TTC28: variants seen among roughly 807,000 people sequenced by gnomAD.
TTC28 encodes the protein tetratricopeptide repeat domain 28, also known as tetratricopeptide repeat protein 28.
A neutral mutation model predicts 198.0 loss-of-function variants in TTC28; 61 were observed. That is an observed-to-expected ratio of 0.31 (90% CI 0.25 to 0.38). The LOEUF (loss-of-function observed/expected upper bound fraction) is 0.38. Ranked by LOEUF, TTC28 falls within the 10% of genes least tolerant of loss-of-function variation. The pLI, the probability that TTC28 is intolerant of heterozygous loss-of-function variation, is 1.00. For synonymous variants in TTC28, 1,171 were observed against 1,297.8 expected, an observed-to-expected ratio of 0.90 and a Z score of 2.10; for missense variants, 2,678 against 3,164.0, an observed-to-expected ratio of 0.85 and a Z score of 3.69.
chr22:28,389,594 T>C (rs1006393915), intron 2 of TTC28, among the ~76,000 whole-genome samples: 3 of 150,672 alleles, frequency 2.0e-5, no homozygotes, highest in African/African-American at 7.3e-5. Context: ...TCGAGGAATT[T>C]ATCCATTTCT....
intron 5 of TTC28, among the ~76,000 whole-genome samples, chr22:28,257,208 C>A (rs1930988335): frequency 6.6e-6 from 1 of 151,870 alleles, no homozygotes; most frequent in African/African-American, 2.4e-5. Context: ...CTCAAAAAAC[C>A]AAAAATAGAA....
intron 2 of TTC28, among the ~76,000 whole-genome samples, chr22:28,450,413 G>T (rs1358897063): frequency 6.6e-6 from 1 of 152,142 alleles, no homozygotes; most frequent in East Asian, 1.9e-4. Context: ...CTTACTAGCT[G>T]TGTGCTCTTT....
At chr22:28,137,730 A>G (rs1320103751) in intron 6 of TTC28, among the ~76,000 whole-genome samples, 1 of 152,002 alleles carries the variant, frequency 6.6e-6, no homozygotes, top group Non-Finnish European at 1.5e-5. Context: ...AATAGTCACT[A>G]TGGGCCAGGC....
intron 6 of TTC28, among the ~76,000 whole-genome samples, chr22:28,119,233 A>G (rs901312579): frequency 3.9e-5 from 6 of 152,210 alleles, no homozygotes; most frequent in Non-Finnish European, 7.3e-5. Context: ...GTTTTCATCT[A>G]TCTCAGAAGG....
At chr22:28,010,378 C>T (rs1025069173) in intron 14 of TTC28, among the ~76,000 whole-genome samples, 6 of 152,160 alleles carry the variant, frequency 3.9e-5, no homozygotes, top group African/African-American at 1.4e-4. Flanking sequence ...CTTTAAGTCA[C>T]GGGAAAGTCT....
intron 2 of TTC28, among the ~76,000 whole-genome samples, chr22:28,614,443 A>G (rs868075327): frequency 2.5e-4 from 38 of 152,334 alleles, no homozygotes; most frequent in African/African-American, 8.9e-4. Context: ...AGAAAAAACT[A>G]CTTTAAATTT....
chr22:28,333,359 T>C (rs2045647140), intron 2 of TTC28, among the ~76,000 whole-genome samples: 1 of 152,080 alleles, frequency 6.6e-6, no homozygotes, highest in African/African-American at 2.4e-5. Context: ...TAAATAGATA[T>C]AAATAACTTA....
intron 2 of TTC28, among the ~76,000 whole-genome samples, chr22:28,602,620 G>C (rs1299521942): frequency 6.6e-6 from 1 of 152,028 alleles, no homozygotes; most frequent in Non-Finnish European, 1.5e-5. Context: ...CTAGATAAAA[G>C]ATACACAAAA....
intron 5 of TTC28, among the ~76,000 whole-genome samples, chr22:28,182,240 A>G (rs1923768498): frequency 6.6e-6 from 1 of 152,186 alleles, no homozygotes; most frequent in African/African-American, 2.4e-5. Flanking sequence ...TTTGACCTGG[A>G]TTAGGAAACA....
rs533111342 is a variant in TTC28 at position 28,307,975 on chromosome 22, T to C, written c.382-1332A>G. ...TTCGTGTTTACAAGATATATTTACT[T>C]ATCTTACTTTTATAATGACTATTTG... On this transcript the variant is annotated intron_variant, in intron 2 of 22. Coordinates refer to ENST00000397906, the MANE Select transcript of TTC28 (RefSeq NM_001145418.2). Among the ~76,000 whole-genome samples the C allele has an allele frequency of 3.4e-4, 52 of 152,298 alleles. No homozygotes were observed. The South Asian group carries it at 9.9e-3, about 29-fold the overall frequency.
In TTC28 at chr22:28,490,522, C is replaced by T. The variant is rs527288011; in HGVS notation, c.381+139030G>A. Among the ~76,000 whole-genome samples, 20 of 152,228 alleles carry T rather than the reference C, an allele frequency of 1.3e-4. 1 individual carries two copies. The highest frequency in any genetic ancestry group is 3.9e-4 in the African/African-American group (16 of 41,546). On this transcript the variant is annotated intron_variant, in intron 2 of 22. Coordinates refer to ENST00000397906, the MANE Select transcript of TTC28 (RefSeq NM_001145418.2). Reference sequence around the variant, plus strand: ...AAGGGAGTAGAGAAGTACAAGCCTACGACGTGCCCAGAATGAAAAGAACCA... The same window carrying T: ...AAGGGAGTAGAGAAGTACAAGCCTATGACGTGCCCAGAATGAAAAGAACCA...
At chr22:28,564,858 A>T (rs188740701) in intron 2 of TTC28, among the ~76,000 whole-genome samples, 17 of 147,588 alleles carry the variant, frequency 1.2e-4, no homozygotes, top group Admixed American at 3.4e-4. Context: ...TTTTATATAT[A>T]TTTTATATAT....
intron 2 of TTC28, among the ~76,000 whole-genome samples, chr22:28,315,784 C>T (rs539455416): frequency 1.3e-5 from 2 of 152,256 alleles, no homozygotes; most frequent in South Asian, 4.2e-4. Flanking sequence ...CTCGTCAATG[C>T]ACCACAATGT....
At chr22:28,009,626 G>C (rs1383243287) in intron 14 of TTC28, among the ~76,000 whole-genome samples, 1 of 152,004 alleles carries the variant, frequency 6.6e-6, no homozygotes, top group Non-Finnish European at 1.5e-5. Flanking sequence ...CCGAGATGAC[G>C]GGGTCACTGA....
rs1424812804 is a variant in TTC28 at position 28,590,060 on chromosome 22, A to C, written c.381+39492T>G. Among the ~76,000 whole-genome samples the C allele has an allele frequency of 3.5e-5, 5 of 142,152 alleles. No individual in the cohort carries two copies. In the East Asian group the frequency reaches 6.2e-4, roughly 18 times the overall value. 93.3% of individuals were successfully genotyped at this position (142,152 alleles called of 152,430 possible). The stretch of plus-strand genomic sequence containing the variant: ...AAAAAAAAAAAAAAAAAAAAAAAAA[A>C]AACACAGAAAACCTGAAACTATAAC... On this transcript the variant is annotated intron_variant, in intron 2 of 22. Transcript: ENST00000397906.
chr22:28,108,877 G>A (rs1172366225), intron 6 of TTC28, among the ~76,000 whole-genome samples: 2 of 152,284 alleles, frequency 1.3e-5, no homozygotes, highest in East Asian at 3.9e-4. Context: ...AATAATCAAT[G>A]AAATGCAAAA....
intron 2 of TTC28, among the ~76,000 whole-genome samples, chr22:28,600,524 CTT>C (rs1342399994): frequency 6.6e-6 from 1 of 152,160 alleles, no homozygotes; most frequent in Non-Finnish European, 1.5e-5. Context: ...CAGCTGAACA[CTT>C]AACATTCTTT....
At chr22:28,582,455 G>A (rs1601591197) in intron 2 of TTC28, among the ~76,000 whole-genome samples, 2 of 152,204 alleles carry the variant, frequency 1.3e-5, no homozygotes, top group African/African-American at 2.4e-5. Context: ...AGCTGCAACT[G>A]TGTATTACTT....
At chr22:27,985,415 A>C (rs145700993) in intron 21 of TTC28, 59 bp from the exon 22 acceptor site, 1 of 1,386,716 alleles carries the variant, frequency 7.2e-7, no homozygotes, top group Non-Finnish European at 1.0e-6. Flanking sequence ...GATCTTGAAC[A>C]TGAGCGCTAT....
Sources: gnomAD v4.1 joint callset for allele counts (sites outside exome capture counted in the v4.1 genomes callset) on GRCh38, gnomAD v4.1.1 for gene constraint, MANE v1.5 for transcripts, NCBI Gene and HGNC (gene_info 2026-07-23, HGNC 2026-07-21) for gene names.